Variants in DTD1 observed in about 807,000 individuals in gnomAD.
DTD1 encodes D-aminoacyl-tRNA deacylase 1, also known as D-tyrosyl-tRNA deacylase 1 homolog.
A neutral mutation model predicts 25.6 loss-of-function variants in DTD1; 13 were observed. The ratio of observed to expected loss-of-function variants is 0.51; its 90% CI spans 0.33 to 0.81. DTD1 has a LOEUF of 0.81. DTD1 is among the 30% of genes least tolerant of loss of function. The pLI is 0.02. For missense variants in DTD1, 193 were observed against 266.4 expected, an observed-to-expected ratio of 0.72 and a Z score of 1.92; for synonymous variants, 110 against 103.6, an observed-to-expected ratio of 1.06 and a Z score of -0.37.
intron 3 of DTD1, among the ~76,000 whole-genome samples, chr20:18,626,576 T>G (rs1056910426): frequency 6.6e-6 from 1 of 152,160 alleles, no homozygotes; most frequent in Non-Finnish European, 1.5e-5. Flanking sequence ...AGATATGCTT[T>G]TGTGTGAGTG....
intron 3 of DTD1, among the ~76,000 whole-genome samples, chr20:18,627,242 C>T (rs1365178130): frequency 6.6e-6 from 1 of 152,100 alleles, no homozygotes; most frequent in Non-Finnish European, 1.5e-5. Flanking sequence ...AGTTAGGGAC[C>T]CACTGGTAGG....
At chr20:18,658,188 GATGT>G (rs753593452) in intron 4 of DTD1, among the ~76,000 whole-genome samples, 71 of 105,088 alleles carry the variant, frequency 6.8e-4, no homozygotes, top group Non-Finnish European at 1.2e-3. Flanking sequence ...AAGAGTCTGA[GATGT>G]GTGTGTGTGT....
At chr20:18,727,145 C>T (rs985236128) in intron 4 of DTD1, among the ~76,000 whole-genome samples, 7 of 152,202 alleles carry the variant, frequency 4.6e-5, no homozygotes, top group African/African-American at 1.7e-4. Context: ...GAGGCCTGGG[C>T]AGGGCCCATG....
chr20:18,649,565 C>A (rs1320944987), intron 4 of DTD1, among the ~76,000 whole-genome samples: 1 of 151,910 alleles, frequency 6.6e-6, no homozygotes, highest in East Asian at 1.9e-4. Flanking sequence ...TCTCAATCTC[C>A]TGACCTCGTG....
intron 4 of DTD1, among the ~76,000 whole-genome samples, chr20:18,693,379 A>G (rs1600372920): frequency 1.3e-5 from 2 of 151,896 alleles, no homozygotes; most frequent in South Asian, 4.2e-4. Flanking sequence ...ATTGAGGGCC[A>G]GGTGCGGTGG....
intron 4 of DTD1, among the ~76,000 whole-genome samples, chr20:18,680,239 C>A (rs530889539): frequency 6.6e-6 from 1 of 152,224 alleles, no homozygotes; most frequent in Non-Finnish European, 1.5e-5. Context: ...GGCTGTAGTG[C>A]AGTGGCACAA....
chr20:18,623,528 T>C (rs550375119), intron 3 of DTD1, among the ~76,000 whole-genome samples: 7 of 152,336 alleles, frequency 4.6e-5, no homozygotes, highest in Non-Finnish European at 1.0e-4. Flanking sequence ...AATGCACTTA[T>C]GGGATGAAAC....
At chr20:18,692,580 GTTGTTGC>G (rs2122439148) in intron 4 of DTD1, among the ~76,000 whole-genome samples, 1 of 152,328 alleles carries the variant, frequency 6.6e-6, no homozygotes, top group African/African-American at 2.4e-5. Flanking sequence ...CACTGATTGA[GTTGTTGC>G]TGAGGTCAGT....
chr20:18,686,558 C>T (rs913672580), intron 4 of DTD1, among the ~76,000 whole-genome samples: 1 of 151,914 alleles, frequency 6.6e-6, no homozygotes, highest in Non-Finnish European at 1.5e-5. Context: ...AAATCCATGT[C>T]AATTTAGTAG....
rs563027518 is a variant in DTD1, at chr20:18,709,848, G to A, written c.478-34252G>A. On this transcript the variant is annotated intron_variant, in intron 4 of 5. Coordinates refer to ENST00000377452, the MANE Select transcript of DTD1 (RefSeq NM_080820.6). ...AGAAGTTAGAGGTCAGGGAGGGGTGGGACACTTTCATTTGTGAGTGGTAGT... is the reference window on the plus strand; with the variant it reads ...AGAAGTTAGAGGTCAGGGAGGGGTGAGACACTTTCATTTGTGAGTGGTAGT... Among the ~76,000 whole-genome samples, 7 of 152,108 alleles carry A rather than the reference G, an allele frequency of 4.6e-5. No homozygotes were observed. The East Asian group carries it at 1.2e-3, about 25-fold the overall frequency.
intron 4 of DTD1, among the ~76,000 whole-genome samples, chr20:18,733,546 C>T (rs976234377): frequency 2.0e-5 from 3 of 152,186 alleles, no homozygotes; most frequent in Non-Finnish European, 4.4e-5. Context: ...AAACAAGCAA[C>T]CACTAGGGCC....
At chr20:18,730,739 C>T (rs2061236971) in intron 4 of DTD1, among the ~76,000 whole-genome samples, 1 of 152,208 alleles carries the variant, frequency 6.6e-6, no homozygotes, top group South Asian at 2.1e-4. Flanking sequence ...CATTACTTAA[C>T]ATAATTTCCT....
rs1459370088 is a variant in DTD1, at chr20:18,588,056, TCGCCCCAGC to T, written c.-12_-4del. On this transcript the variant is annotated 5_prime_UTR_variant, in exon 1 of 6. Transcript: ENST00000377452. Reference sequence around the variant, plus strand: ...CGGACGCAGCGCGGCGCCGCCCCACTCGCCCCAGCCGCCGCCATGAAGGCCGTGGTGCAG... The same window carrying T: ...CGGACGCAGCGCGGCGCCGCCCCACTCGCCGCCATGAAGGCCGTGGTGCAG... 13 of 1,405,254 alleles carry T rather than the reference TCGCCCCAGC, an allele frequency of 9.3e-6. No homozygotes were observed. The highest frequency in any genetic ancestry group is 1.5e-5 in the African/African-American group (1 of 65,836). 87.0% of individuals were successfully genotyped at this position (1,405,254 alleles called of 1,614,324 possible).
chr20:18,643,236 A>G, intron 4 of DTD1: 1 of 311,418 alleles, frequency 3.2e-6, no homozygotes, highest in Non-Finnish European at 6.6e-6. Context: ...TTTATTTAGC[A>G]ATTTGTTCTC....
intron 4 of DTD1, chr20:18,631,613 T>G (rs2060787878): frequency 1.0e-6 from 1 of 985,458 alleles, no homozygotes; most frequent in South Asian, 4.7e-5. Flanking sequence ...TCACATTGCT[T>G]TATTTCATGC....
chr20:18,634,631 T>A (rs915446421), intron 4 of DTD1, among the ~76,000 whole-genome samples: 2 of 152,220 alleles, frequency 1.3e-5, no homozygotes, highest in Non-Finnish European at 2.9e-5. Flanking sequence ...ACTTGTCTTA[T>A]CAGCAAGCAT....
intron 4 of DTD1, among the ~76,000 whole-genome samples, chr20:18,718,291 CACTAGG>C (rs1426836403): frequency 2.6e-5 from 4 of 152,206 alleles, no homozygotes; most frequent in Non-Finnish European, 4.4e-5. Flanking sequence ...GAAAGACAAC[CACTAGG>C]ACTGTGTGAC....
chr20:18,706,629 A>G (rs1362770476), intron 4 of DTD1, among the ~76,000 whole-genome samples: 2 of 152,210 alleles, frequency 1.3e-5, no homozygotes, highest in Non-Finnish European at 2.9e-5. Flanking sequence ...ACAGTGATGT[A>G]GAAAGTTGCC....
chr20:18,598,921 C>CT (rs1314181725), intron 3 of DTD1, among the ~76,000 whole-genome samples: 1 of 151,992 alleles, frequency 6.6e-6, no homozygotes, highest in Non-Finnish European at 1.5e-5. Context: ...ATAGTTTTAC[C>CT]TTTTTTAGAA....
Sources: gnomAD v4.1 joint callset for allele counts (sites outside exome capture counted in the v4.1 genomes callset) on GRCh38, gnomAD v4.1.1 for gene constraint, MANE v1.5 for transcripts, NCBI Gene and HGNC (gene_info 2026-07-23, HGNC 2026-07-21) for gene names.